Variants in FAF1 observed in about 807,000 individuals in gnomAD.
FAF1 encodes the protein Fas associated factor 1.
FAF1 carries 25 observed loss-of-function variants against 92.5 expected under a neutral mutation model. That is an observed-to-expected ratio of 0.27 (90% CI 0.20 to 0.38). The LOEUF is 0.38. Ranked by LOEUF, FAF1 falls within the 10% of genes least tolerant of loss-of-function variation. FAF1 has a pLI of 1.00. For missense variants in FAF1, 636 were observed against 793.3 expected (o/e 0.80, Z 2.38); for synonymous variants, 234 against 273.2 (o/e 0.86, Z 1.42).
chr1:50,646,998 A>G (rs1470886160), intron 8 of FAF1, among the ~76,000 whole-genome samples: 1 of 152,164 alleles, frequency 6.6e-6, no homozygotes, highest in African/African-American at 2.4e-5. Context: ...TGTGTGAGCC[A>G]CCACGCCCAG....
rs569383305 is a variant in FAF1 at position 50,475,450 on chromosome 1, G to A, written c.1869+14C>T. ...CACCTGGATATACTTCCTGAGATAG[G>A]TATGGGAACTTACGTCTCTCCTAGG... On this transcript the variant is annotated intron_variant, in intron 18 of 18. Coordinates refer to ENST00000396153, the MANE Select transcript of FAF1 (RefSeq NM_007051.3). 6.3e-7 allele frequency: 1 copy of A among 1,589,074 alleles called. No homozygotes were observed. Among genetic ancestry groups the A allele is most frequent in the East Asian group, 2.2e-5 (1 of 44,718 alleles).
At chr1:50,684,804 T>C (rs958706054) in intron 7 of FAF1, among the ~76,000 whole-genome samples, 5 of 152,216 alleles carry the variant, frequency 3.3e-5, no homozygotes, top group African/African-American at 9.6e-5. Flanking sequence ...TTTAATGAAA[T>C]TGAATTAATT....
At chr1:50,739,049 GTTTTT>G (rs550189314) in intron 5 of FAF1, 95 bp from the exon 6 acceptor site, 5 of 794,708 alleles carry the variant, frequency 6.3e-6, no homozygotes, top group African/African-American at 3.6e-5. Flanking sequence ...TAATTTTGTA[GTTTTT>G]TTTATCTTTT....
At chr1:50,731,579 A>G (rs995714072) in intron 6 of FAF1, among the ~76,000 whole-genome samples, 2 of 152,042 alleles carry the variant, frequency 1.3e-5, no homozygotes, top group African/African-American at 4.8e-5. Flanking sequence ...TATGTTAGCC[A>G]GGATGGTCTC....
chr1:50,490,791 C>A, intron 16 of FAF1, 126 bp from the exon 17 acceptor site: 1 of 694,534 alleles, frequency 1.4e-6, no homozygotes, highest in Non-Finnish European at 2.6e-6. Context: ...GGCTCATTGT[C>A]AACATGACTC....
At chr1:50,727,635 G>A (rs903124670) in intron 6 of FAF1, among the ~76,000 whole-genome samples, 3 of 152,170 alleles carry the variant, frequency 2.0e-5, no homozygotes, top group African/African-American at 7.2e-5. Context: ...TTAATATCGG[G>A]TGTCAACTTG....
chr1:50,473,364 C>T (rs1429829355), intron 18 of FAF1, among the ~76,000 whole-genome samples: 1 of 152,074 alleles, frequency 6.6e-6, no homozygotes, highest in Non-Finnish European at 1.5e-5. Flanking sequence ...AGTCCTTAAA[C>T]TCTATTTCTT....
chr1:50,594,836 A>G (rs1651715717), intron 9 of FAF1, among the ~76,000 whole-genome samples: 1 of 148,310 alleles, frequency 6.7e-6, no homozygotes, highest in African/African-American at 2.5e-5. Flanking sequence ...GCTCCATTGC[A>G]CTCCAACCTG....
At chr1:50,764,546 G>C (rs754495913) in intron 4 of FAF1, among the ~76,000 whole-genome samples, 23 of 152,144 alleles carry the variant, frequency 1.5e-4, no homozygotes, top group Middle Eastern at 3.4e-3. Context: ...CCTTTTTCAT[G>C]GACTGTTGTA....
rs2124415272 is a variant in FAF1 at position 50,701,013 on chromosome 1, C to T, written c.657+4773G>A. Among the ~76,000 whole-genome samples the T allele has an allele frequency of 2.0e-5, 3 of 152,180 alleles. 1 individual carries two copies. Among genetic ancestry groups the T allele is most frequent in the South Asian group, 4.2e-4 (2 of 4,816 alleles). ...TTGAAGTGGTATGATTTCAACAGAT[C>T]TCAGTTTTCAAATGCAACTTGAAAC... On this transcript the variant is annotated intron_variant, in intron 7 of 18. Coordinates refer to ENST00000396153, the MANE Select transcript of FAF1 (RefSeq NM_007051.3).
chr1:50,692,258 T>TGTGC (rs1656967166), intron 7 of FAF1, among the ~76,000 whole-genome samples: 2 of 146,104 alleles, frequency 1.4e-5, no homozygotes, highest in Non-Finnish European at 3.1e-5. Context: ...TGTGTGTGTG[T>TGTGC]GTGTGTGTGT....
At chr1:50,707,583 A>C (rs1232416558) in intron 6 of FAF1, among the ~76,000 whole-genome samples, 1 of 151,782 alleles carries the variant, frequency 6.6e-6, no homozygotes, top group Non-Finnish European at 1.5e-5. Flanking sequence ...GCTCCCAGCT[A>C]CTCGGGAGGC....
At chr1:50,535,207 C>T (rs1474500813) in intron 15 of FAF1, among the ~76,000 whole-genome samples, 162 bp downstream of exon 15, 2 of 152,064 alleles carry the variant, frequency 1.3e-5, no homozygotes, top group East Asian at 1.9e-4. Context: ...AAAGAATGGA[C>T]TGAAAGGTAA....
intron 9 of FAF1, among the ~76,000 whole-genome samples, chr1:50,587,497 C>T (rs918584111): frequency 4.6e-5 from 7 of 151,908 alleles, no homozygotes; most frequent in Non-Finnish European, 1.5e-5. Flanking sequence ...AAAGCTTTTT[C>T]TAAAAAATAA....
At chr1:50,767,476 T>TATA (rs1469240335) in intron 4 of FAF1, among the ~76,000 whole-genome samples, 1 of 152,130 alleles carries the variant, frequency 6.6e-6, no homozygotes, top group Non-Finnish European at 1.5e-5. Flanking sequence ...GCCTCTGAGA[T>TATA]ACTATATAAG....
chr1:50,710,024 G>C (rs970820813), intron 6 of FAF1, among the ~76,000 whole-genome samples: 6 of 152,162 alleles, frequency 3.9e-5, no homozygotes, highest in African/African-American at 9.7e-5. Context: ...GTGATGTGAA[G>C]AAAGGTTTCT....
At chr1:50,785,516 GTA>G (rs1296976611) in intron 4 of FAF1, among the ~76,000 whole-genome samples, 2 of 151,694 alleles carry the variant, frequency 1.3e-5, no homozygotes, top group Non-Finnish European at 2.9e-5. Context: ...TGGCCAACAG[GTA>G]TATGAAAAGA....
At chr1:50,735,585 G>A (rs1401217778) in intron 6 of FAF1, among the ~76,000 whole-genome samples, 1 of 152,166 alleles carries the variant, frequency 6.6e-6, no homozygotes, top group Non-Finnish European at 1.5e-5. Context: ...GTAAAATCAA[G>A]TTAAGAAGTT....
chr1:50,556,748 G>A (rs1189723336), intron 13 of FAF1, among the ~76,000 whole-genome samples: 2 of 151,860 alleles, frequency 1.3e-5, no homozygotes, highest in Non-Finnish European at 2.9e-5. Flanking sequence ...GAGGTGGGAG[G>A]ACTGCTTGAG....
Sources: gnomAD v4.1 joint callset for allele counts (sites outside exome capture counted in the v4.1 genomes callset) on GRCh38, gnomAD v4.1.1 for gene constraint, MANE v1.5 for transcripts, NCBI Gene and HGNC (gene_info 2026-07-23, HGNC 2026-07-21) for gene names.